The following HMCN1 variants were observed in gnomAD, a reference collection of about 807,000 sequenced individuals.
The protein encoded by HMCN1 is hemicentin 1, also known as hemicentin-1.
In HMCN1, 321 loss-of-function variants were observed where a neutral mutation model predicts 625.9. The observed-to-expected ratio is 0.51, with a 90% CI of 0.47 to 0.56. The LOEUF (loss-of-function observed/expected upper bound fraction) is 0.56, where lower values mean the gene tolerates loss of function less well. Ranked by LOEUF, HMCN1 falls within the 20% of genes least tolerant of loss-of-function variation. The probability of loss-of-function intolerance (pLI) is 0.00; values close to 1 mark genes in which losing one functional copy is unlikely to be tolerated. For missense variants in HMCN1, 6,588 were observed against 6,887.3 expected (o/e 0.96, Z 1.54); for synonymous variants, 2,425 against 2,417.6 (o/e 1.00, Z -0.09).
intron 11 of HMCN1, among the ~76,000 whole-genome samples, chr1:185,953,162 C>G (rs990204132): frequency 6.6e-6 from 1 of 150,810 alleles, no homozygotes. Context: ...GGGGTACTTG[C>G]CCCTCCCCCC....
Position 185,984,270 on chromosome 1 carries a change from C to T in HMCN1, c.2892C>T (p.Asn964=), listed in dbSNP as rs765928224. The T allele has an allele frequency of 4.3e-5, 70 of 1,613,742 alleles. No homozygotes were observed. The highest frequency in any genetic ancestry group is 5.1e-6 in the Non-Finnish European group (6 of 1,179,922). Residue 964 remains asparagine, a synonymous_variant, in exon 19 of 107, where the codon AAC becomes AAT. Transcript: ENST00000271588. ...DGGEYTCVAS[N]VAGTNNKTTS... ...GTGAATATACTTGTGTGGCCAGTAA[C>T]GTTGCTGGGACCAATAACAAAACTA... is the stretch of plus-strand genomic sequence containing the variant.
intron 4 of HMCN1, among the ~76,000 whole-genome samples, chr1:185,881,743 G>C (rs1664326576): frequency 6.6e-6 from 1 of 152,166 alleles, no homozygotes; most frequent in Admixed American, 6.5e-5. Context: ...TTTAGACAAA[G>C]TCTGTTATGA....
At chr1:185,926,072 A>G (rs144893492) in intron 9 of HMCN1, among the ~76,000 whole-genome samples, 4 of 152,324 alleles carry the variant, frequency 2.6e-5, no homozygotes, top group Non-Finnish European at 4.4e-5. Context: ...TAATTTCATG[A>G]TAAAAACTAA....
At chr1:185,851,254 C>G (rs907226781) in intron 2 of HMCN1, among the ~76,000 whole-genome samples, 1 of 152,194 alleles carries the variant, frequency 6.6e-6, no homozygotes, top group South Asian at 2.1e-4. Context: ...ATTAAACTAA[C>G]TTGAACTTTA....
chr1:186,181,703 G>T (rs1432488204), intron 104 of HMCN1, among the ~76,000 whole-genome samples: 1 of 152,158 alleles, frequency 6.6e-6, no homozygotes, highest in African/African-American at 2.4e-5. Context: ...GAGTGGGGCT[G>T]CAGGGAGAGA....
chr1:186,019,978 G>A (rs888045563), intron 35 of HMCN1, among the ~76,000 whole-genome samples: 1 of 151,886 alleles, frequency 6.6e-6, no homozygotes, highest in Non-Finnish European at 1.5e-5. Flanking sequence ...AAAAACTGGT[G>A]TCTCACAGAT....
chr1:186,144,659 G>A lies in HMCN1; in HGVS notation c.14222G>A (p.Gly4741Glu). 1 of 1,614,116 alleles carries A rather than the reference G, an allele frequency of 6.2e-7. No homozygotes were observed. The highest frequency in any genetic ancestry group is 1.1e-5 in the South Asian group (1 of 91,076). ...CAGTATGGAGGAAGGAAATGCGAAG[G>A]GAGTGATGTCCAGAGTGATTTTTGC... is the stretch of plus-strand genomic sequence containing the variant. ...VPQYGGRKCE[G>E]SDVQSDFCNS... The change falls in exon 91 of 107, where the codon GGG becomes GAG. Residue 4741 changes from glycine to glutamate, a missense_variant. Gly to Glu is a moderately conservative substitution (Grantham distance 98, BLOSUM62 -2). Transcript: ENST00000271588.
In HMCN1 at chr1:186,036,048, A is replaced by G. The variant is rs554334894; in HGVS notation, c.5750-1886A>G. 7.2e-5 allele frequency among the ~76,000 whole-genome samples: 11 copies of G among 152,264 alleles called. No homozygotes were observed. The South Asian group carries it at 2.3e-3, about 32-fold the overall frequency. ...TCAATGCATAAGGTATTGTCATTAT[A>G]AAATATTATTCATGAATATAAATCA... On this transcript the variant is annotated intron_variant, in intron 36 of 106. Coordinates refer to ENST00000271588, the MANE Select transcript of HMCN1 (RefSeq NM_031935.3).
Position 186,093,657 on chromosome 1 carries a change from G to C in HMCN1, c.10184G>C (p.Gly3395Ala), listed in dbSNP as rs1167011058. Residue 3395 changes from glycine (G) to alanine (A), a missense_variant, in exon 66 of 107, where the codon GGA becomes GCA. By Grantham distance (60) the Gly-to-Ala change is moderately conservative. Around this residue, in one of 3 missense-constraint regions of HMCN1, gnomAD observed 4,628 missense variants for 4,853.1 expected, o/e 0.95. Transcript: ENST00000271588. The part of the protein sequence containing the change: ...LSSHIRLLAA[G>A]QVIRIVRAQV... Reference sequence around the variant, plus strand: ...TCCCATATCCGGTTACTGGCAGCAGGACAAGTTATCAGGTCAGCTTTTATT... The same window carrying C: ...TCCCATATCCGGTTACTGGCAGCAGCACAAGTTATCAGGTCAGCTTTTATT... 7 of 1,613,246 alleles carry C rather than the reference G, an allele frequency of 4.3e-6. No individual in the cohort carries two copies. The Admixed American group carries it at 8.4e-5, about 19-fold the overall frequency.
intron 31 of HMCN1, among the ~76,000 whole-genome samples, 199 bp downstream of exon 31, chr1:186,015,636 A>T (rs1654316734): frequency 1.3e-5 from 2 of 152,128 alleles, no homozygotes; most frequent in Non-Finnish European, 2.9e-5. Flanking sequence ...CATTCATTCA[A>T]CTAACCTTTG....
At chr1:185,765,539 G>A (rs1655819181) in intron 1 of HMCN1, among the ~76,000 whole-genome samples, 6 of 152,074 alleles carry the variant, frequency 3.9e-5, no homozygotes, top group Admixed American at 2.6e-4. Flanking sequence ...AACTCTTGAG[G>A]TAAGTACCAC....
intron 97 of HMCN1, among the ~76,000 whole-genome samples, chr1:186,159,154 GT>G (rs1651251935): frequency 6.6e-6 from 1 of 151,544 alleles, no homozygotes; most frequent in Non-Finnish European, 1.5e-5. Context: ...CACATCCCTT[GT>G]AAGTTGGATT....
In HMCN1 at chr1:186,064,548, G is replaced by A. The variant is rs146681234; in HGVS notation, c.7514-690G>A. On this transcript the variant is annotated intron_variant, in intron 48 of 106. Coordinates refer to ENST00000271588, the MANE Select transcript of HMCN1 (RefSeq NM_031935.3). ...TATGAGGCCAGGCACGGTGGCTCAC[G>A]CCTGTAATCCCAGCACTTTGGGAGG... Among the ~76,000 whole-genome samples, 776 of 151,908 alleles carry A rather than the reference G, an allele frequency of 5.1e-3. 6 individuals carry two copies. The highest frequency in any genetic ancestry group is 0.017 in the African/African-American group (711 of 41,464).
intron 97 of HMCN1, among the ~76,000 whole-genome samples, chr1:186,154,770 AT>A (rs1650888671): frequency 6.6e-6 from 1 of 152,118 alleles, no homozygotes; most frequent in Non-Finnish European, 1.5e-5. Context: ...GGAAGTTATA[AT>A]TTTTTAACTG....
chr1:185,919,074 C>CATATATATATATATATAT lies in HMCN1; in HGVS notation c.901-3288_901-3287insTATATATATATATATATA, dbSNP rs60205431. On this transcript the variant is annotated intron_variant, in intron 6 of 106. Transcript: ENST00000271588. ...AATTTTGGCCTCACTAATTTTAGGA[C>CATATATATATATATATAT]ATATATATATATATATAATTTTATT... 2.3e-3 allele frequency among the ~76,000 whole-genome samples: 337 copies of CATATATATATATATATAT among 146,088 alleles called. 4 individuals carry two copies. The highest frequency in any genetic ancestry group is 8.2e-3 in the African/African-American group (319 of 38,896).
At chr1:185,779,611 T>G (rs895380445) in intron 1 of HMCN1, among the ~76,000 whole-genome samples, 1 of 152,170 alleles carries the variant, frequency 6.6e-6, no homozygotes, top group Non-Finnish European at 1.5e-5. Context: ...AGAATCCTTT[T>G]CCCATTTCTT....
chr1:185,740,303 T>A (rs1380738224), intron 1 of HMCN1, among the ~76,000 whole-genome samples: 1 of 151,934 alleles, frequency 6.6e-6, no homozygotes, highest in Non-Finnish European at 1.5e-5. Flanking sequence ...GACACTATTG[T>A]ATAATTCAGA....
At chr1:186,046,644 G>T (rs535286581) in intron 41 of HMCN1, among the ~76,000 whole-genome samples, 3 of 152,212 alleles carry the variant, frequency 2.0e-5, no homozygotes, top group African/African-American at 7.2e-5. Flanking sequence ...GGTGGCAAAA[G>T]GTGAGGCTCT....
At chr1:185,923,281 T>G in intron 7 of HMCN1, 109 bp from the exon 8 acceptor site, 1 of 850,232 alleles carries the variant, frequency 1.2e-6, no homozygotes, top group Middle Eastern at 3.4e-4. Flanking sequence ...ATCCAGAAAT[T>G]GTAGGCATCC....
Sources: gnomAD v4.1 joint callset for allele counts (sites outside exome capture counted in the v4.1 genomes callset) on GRCh38, gnomAD v4.1.1 for gene constraint, gnomAD v4.1.1 regional missense constraint, MANE v1.5 for transcripts, NCBI Gene and HGNC (gene_info 2026-07-23, HGNC 2026-07-21) for gene names.